Variants in EFNA5 observed in about 807,000 individuals in gnomAD.
The protein encoded by EFNA5 is ephrin A5, also known as ephrin-A5.
EFNA5 carries 5 observed loss-of-function variants against 22.9 expected under a neutral mutation model. That is an observed-to-expected ratio of 0.22 (90% CI 0.11 to 0.46). EFNA5 has a LOEUF of 0.46. Among genes scored for constraint, EFNA5 ranks in the 20% least tolerant of loss-of-function variants. EFNA5 has a pLI of 0.99. For missense variants in EFNA5, 237 were observed against 293.3 expected (o/e 0.81, Z 1.40); for synonymous variants, 113 against 112.2 (o/e 1.01, Z -0.04).
chr5:107,646,333 C>T (rs1397847865), intron 1 of EFNA5, among the ~76,000 whole-genome samples: 2 of 151,990 alleles, frequency 1.3e-5, no homozygotes, highest in Non-Finnish European at 2.9e-5. Context: ...GTGTACATGT[C>T]GTACATCTTA....
At chr5:107,467,780 A>C (rs150741266) in intron 1 of EFNA5, among the ~76,000 whole-genome samples, 22 of 152,282 alleles carry the variant, frequency 1.4e-4, no homozygotes, top group Middle Eastern at 6.8e-3. Context: ...TGGAAATGTT[A>C]CCACGCTGTC....
chr5:107,415,173 G>A (rs1242628280), intron 2 of EFNA5, among the ~76,000 whole-genome samples: 1 of 151,894 alleles, frequency 6.6e-6, no homozygotes, highest in Non-Finnish European at 1.5e-5. Context: ...AAGTATGGAT[G>A]AGATTATATA....
At chr5:107,584,461 T>C (rs1454866356) in intron 1 of EFNA5, among the ~76,000 whole-genome samples, 1 of 152,188 alleles carries the variant, frequency 6.6e-6, no homozygotes, top group Non-Finnish European at 1.5e-5. Flanking sequence ...TCCCCTGAGA[T>C]TTATATATTC....
chr5:107,474,666 CTT>C (rs751391961), intron 1 of EFNA5, among the ~76,000 whole-genome samples: 14 of 152,266 alleles, frequency 9.2e-5, no homozygotes, highest in Non-Finnish European at 1.3e-4. Context: ...AGGCCACTAA[CTT>C]TGTTAAAATA....
chr5:107,602,843 G>A (rs201680084), intron 1 of EFNA5, among the ~76,000 whole-genome samples: 1 of 124,884 alleles, frequency 8.0e-6, no homozygotes, highest in African/African-American at 3.0e-5. Flanking sequence ...AAGAAAGAAA[G>A]AAAAAAATAC....
chr5:107,597,968 C>G (rs991600495), intron 1 of EFNA5, among the ~76,000 whole-genome samples: 1 of 152,118 alleles, frequency 6.6e-6, no homozygotes, highest in Non-Finnish European at 1.5e-5. Flanking sequence ...ACATGGATCT[C>G]TAACAACTTC....
At chr5:107,540,578 G>C (rs1748022892) in intron 1 of EFNA5, among the ~76,000 whole-genome samples, 2 of 152,086 alleles carry the variant, frequency 1.3e-5, no homozygotes, top group South Asian at 4.1e-4. Flanking sequence ...GGTAATCAAA[G>C]ATATAGAAAG....
chr5:107,471,739 A>G (rs1240721461), intron 1 of EFNA5, among the ~76,000 whole-genome samples: 2 of 152,222 alleles, frequency 1.3e-5, no homozygotes, highest in Non-Finnish European at 2.9e-5. Context: ...ATTATTTACA[A>G]CAGCTGAAAA....
intron 1 of EFNA5, among the ~76,000 whole-genome samples, chr5:107,573,104 C>A (rs1748852790): frequency 6.6e-6 from 1 of 152,246 alleles, no homozygotes; most frequent in South Asian, 2.1e-4. Flanking sequence ...AAGTGAGTAT[C>A]TTTAGTTCAC....
intron 1 of EFNA5, among the ~76,000 whole-genome samples, chr5:107,512,337 A>C (rs562340023): frequency 6.6e-6 from 1 of 150,622 alleles, no homozygotes; most frequent in South Asian, 2.1e-4. Flanking sequence ...ACTGATTTGC[A>C]AGCTGAGGGG....
At chr5:107,630,549 C>A (rs760677236) in intron 1 of EFNA5, among the ~76,000 whole-genome samples, 1 of 151,552 alleles carries the variant, frequency 6.6e-6, no homozygotes, top group Non-Finnish European at 1.5e-5. Context: ...ATGAATGGAG[C>A]TTGTGGAACT....
Position 107,602,349 on chromosome 5 carries a change from G to A in EFNA5, c.125+68140C>T, listed in dbSNP as rs565258928. Among the ~76,000 whole-genome samples the A allele has an allele frequency of 2.8e-3, 425 of 152,274 alleles. 3 individuals are homozygous for A. In the Middle Eastern group the frequency reaches 0.031, roughly 11 times the overall value. ...ATTACCTCGAAACAGGCCTGTTAAT[G>A]TATGTGGATGTATCATCCCAACAAA... On this transcript the variant is annotated intron_variant, in intron 1 of 4. Transcript: ENST00000333274.
chr5:107,560,230 G>A (rs1441972545), intron 1 of EFNA5, among the ~76,000 whole-genome samples: 1 of 152,088 alleles, frequency 6.6e-6, no homozygotes, highest in Non-Finnish European at 1.5e-5. Context: ...GCCAATATAC[G>A]AAGATTTTCA....
intron 1 of EFNA5, among the ~76,000 whole-genome samples, chr5:107,577,144 A>C: frequency 6.6e-6 from 1 of 152,220 alleles, no homozygotes; most frequent in East Asian, 1.9e-4. Flanking sequence ...TTCACCTGCA[A>C]AATGACTAAC....
chr5:107,599,730 T>G (rs2112511165), intron 1 of EFNA5, among the ~76,000 whole-genome samples: 1 of 152,314 alleles, frequency 6.6e-6, no homozygotes, highest in East Asian at 1.9e-4. Flanking sequence ...GAACAAAACT[T>G]TAGGAATTTG....
intron 1 of EFNA5, among the ~76,000 whole-genome samples, chr5:107,611,113 C>T (rs1247663201): frequency 6.6e-6 from 1 of 151,990 alleles, no homozygotes; most frequent in Non-Finnish European, 1.5e-5. Context: ...ATATGAAGCC[C>T]AGCATGAACT....
intron 1 of EFNA5, among the ~76,000 whole-genome samples, chr5:107,668,163 A>ATTCT (rs2112565519): frequency 6.6e-6 from 1 of 152,340 alleles, no homozygotes; most frequent in African/African-American, 2.4e-5. Context: ...GGGGTACATC[A>ATTCT]TTCTTTCTTT....
chr5:107,401,818 A>T (rs1403879679), intron 2 of EFNA5, among the ~76,000 whole-genome samples: 3 of 152,214 alleles, frequency 2.0e-5, no homozygotes, highest in Non-Finnish European at 4.4e-5. Context: ...TGAAAAGATC[A>T]TTACCAGGCG....
At chr5:107,465,483 C>T (rs766392774) in intron 1 of EFNA5, among the ~76,000 whole-genome samples, 15 of 152,084 alleles carry the variant, frequency 9.9e-5, no homozygotes, top group South Asian at 2.1e-4. Context: ...AAAGACGCCA[C>T]GTAAATGTGG....
Sources: allele counts gnomAD v4.1 joint callset (sites outside exome capture counted in the v4.1 genomes callset), GRCh38; gene constraint gnomAD v4.1.1; transcripts MANE v1.5; gene names NCBI Gene and HGNC (gene_info 2026-07-23, HGNC 2026-07-21).